Variants in FAM120B observed in about 807,000 individuals in gnomAD.
FAM120B encodes the protein constitutive coactivator of peroxisome proliferator-activated receptor gamma.
FAM120B carries 83 observed loss-of-function variants against 96.3 expected under a neutral mutation model. The ratio of observed to expected loss-of-function variants is 0.86; its 90% confidence interval spans 0.72 to 1.03. The LOEUF (loss-of-function observed/expected upper bound fraction) is 1.03, where lower values mean the gene tolerates loss of function less well. Ranked by LOEUF, FAM120B falls within the 50% of genes least tolerant of loss-of-function variation. The probability of loss-of-function intolerance (pLI) is 0.00; values close to 1 mark genes in which losing one functional copy is unlikely to be tolerated. For missense variants in FAM120B, 1,027 were observed against 1,121.2 expected (o/e 0.92, Z 1.20); for synonymous variants, 407 against 402.7 (o/e 1.01, Z -0.13).
chr6:170,393,148 CA>C (rs66472378), intron 8 of FAM120B, among the ~76,000 whole-genome samples: 14,221 of 119,530 alleles, frequency 0.12, 731 homozygotes, highest in Middle Eastern at 0.21. Context: ...CCTGTCTTTA[CA>C]AAAAAAAAAA....
At chr6:170,293,747 C>T (rs1472984134), upstream of FAM120B, among the ~76,000 whole-genome samples, 1 of 151,338 alleles carries the variant, frequency 6.6e-6, no homozygotes, top group African/African-American at 2.4e-5. Context: ...TCTTCTCCTT[C>T]TTCCTCTCCC....
Position 170,295,770 on chromosome 6 carries a change from T to C in FAM120B, c.48+317T>C, listed in dbSNP as rs1322179129. ...GAAGACGGGCTCCAACCCCACCTGG[T>C]TCGTGTCGGGGGGTCGTTTTGCGGT... On this transcript the variant is annotated intron_variant, in intron 1 of 10. Transcript: ENST00000537664. This position sits in a 1 kb window ranked among gnomAD's most constrained non-coding sequence, Gnocchi z 7.8. Among the ~76,000 whole-genome samples, 1 of 151,998 alleles carries C rather than the reference T, an allele frequency of 6.6e-6. No homozygotes were observed. Among genetic ancestry groups the C allele is most frequent in the Non-Finnish European group, 1.5e-5 (1 of 67,950 alleles).
intron 4 of FAM120B, among the ~76,000 whole-genome samples, chr6:170,341,282 T>G (rs1435077116): frequency 6.6e-6 from 1 of 152,214 alleles, no homozygotes; most frequent in Non-Finnish European, 1.5e-5. Context: ...CCAAACTTCC[T>G]GGCCTCCCAG....
intron 4 of FAM120B, among the ~76,000 whole-genome samples, chr6:170,341,881 C>T (rs563342734): frequency 2.9e-4 from 44 of 152,334 alleles, no homozygotes; most frequent in African/African-American, 6.3e-4. Flanking sequence ...CAGCCTTCTG[C>T]GTTGGAATTG....
At chr6:170,330,686 G>T (rs1179300956) in intron 4 of FAM120B, 136 bp downstream of exon 4, 2 of 676,770 alleles carry the variant, frequency 3.0e-6, no homozygotes, top group Non-Finnish European at 5.1e-6. Flanking sequence ...CTTGGCTCAT[G>T]ATTAATGTAT....
upstream of FAM120B, among the ~76,000 whole-genome samples, chr6:170,304,252 A>G (rs1263439705): frequency 1.3e-5 from 2 of 152,210 alleles, no homozygotes; most frequent in Non-Finnish European, 2.9e-5. Flanking sequence ...TTAATGCCCT[A>G]TTGTATTCCA....
chr6:170,291,502 C>G (rs1412906059), upstream of FAM120B, among the ~76,000 whole-genome samples: 1 of 151,976 alleles, frequency 6.6e-6, no homozygotes, highest in Non-Finnish European at 1.5e-5. Context: ...GGGGCAGGCG[C>G]TTCCTAAGGA....
chr6:170,297,544 C>CCTT (rs1464891194), intron 1 of FAM120B, among the ~76,000 whole-genome samples: 2 of 152,206 alleles, frequency 1.3e-5, no homozygotes, highest in African/African-American at 4.8e-5. Context: ...AAATCGGCTC[C>CCTT]CAAAGCCTTC....
intron 8 of FAM120B, among the ~76,000 whole-genome samples, chr6:170,391,630 T>A (rs1461587067): frequency 1.3e-5 from 2 of 152,340 alleles, no homozygotes; most frequent in African/African-American, 4.8e-5. Context: ...AATTAAATAA[T>A]GAAGAACTCT....
At chr6:170,291,495 G>A (rs1562500398), upstream of FAM120B, among the ~76,000 whole-genome samples, 2 of 152,184 alleles carry the variant, frequency 1.3e-5, no homozygotes, top group African/African-American at 2.4e-5. Flanking sequence ...CTTCTTCGGG[G>A]CAGGCGCTTC....
At chr6:170,306,304 G>T (rs1026822658), upstream of FAM120B, among the ~76,000 whole-genome samples, 23 of 152,158 alleles carry the variant, frequency 1.5e-4, no homozygotes, top group African/African-American at 4.8e-4. Context: ...GGAGCCCCCC[G>T]CTGTCCCCGT....
At chr6:170,398,531 A>T in intron 9 of FAM120B, among the ~76,000 whole-genome samples, 1 of 149,044 alleles carries the variant, frequency 6.7e-6, no homozygotes, top group Non-Finnish European at 1.5e-5. Flanking sequence ...GAACTATGTC[A>T]TAACTCTTAG....
At chr6:170,292,460 T>G (rs9459988), upstream of FAM120B, among the ~76,000 whole-genome samples, 14,745 of 151,848 alleles carry the variant, frequency 0.097, 1,731 homozygotes, top group African/African-American at 0.28. The surrounding 1 kb of genome is among the most constrained non-coding windows in gnomAD (Gnocchi z 6.6). Context: ...TCCAGGTGAG[T>G]GTTGGAGTGC....
chr6:170,336,319 G>A (rs1786415832), intron 4 of FAM120B, among the ~76,000 whole-genome samples: 2 of 152,112 alleles, frequency 1.3e-5, no homozygotes, highest in Non-Finnish European at 2.9e-5. Flanking sequence ...TTTCCCTGTT[G>A]CTTGTTTTTG....
intron 6 of FAM120B, among the ~76,000 whole-genome samples, chr6:170,358,580 A>G (rs571966689): frequency 3.3e-5 from 5 of 152,340 alleles, no homozygotes; most frequent in African/African-American, 1.2e-4. Flanking sequence ...AGTGATTTGA[A>G]GAGAATAGGT....
rs550335212 is a variant in FAM120B at position 170,404,916 on chromosome 6, C to T, written c.*165C>T. The T allele has an allele frequency of 1.7e-5, 6 of 345,372 alleles. No individual in the cohort carries two copies. The highest frequency in any genetic ancestry group is 2.6e-5 in the Non-Finnish European group (5 of 188,774). The allele number at this position is 345,372 out of a possible 1,614,324, so 21.4% of individuals were successfully genotyped here. A position where few individuals can be genotyped will look rare whatever the true frequency, so the allele number is the denominator to read the frequency against. On this transcript the variant is annotated 3_prime_UTR_variant, in exon 11 of 11. Transcript: ENST00000476287. Reference sequence around the variant, plus strand: ...GCCTTTTTCAATGGTGTCTCCCTCCCATTGTGCAGAAGAGCTTTTGTTGGC... The same window carrying T: ...GCCTTTTTCAATGGTGTCTCCCTCCTATTGTGCAGAAGAGCTTTTGTTGGC...
chr6:170,291,026 C>A (rs2114969064), upstream of FAM120B: 1 of 702,036 alleles, frequency 1.4e-6, no homozygotes, highest in Non-Finnish European at 2.6e-6. Context: ...AGAGCTGTCA[C>A]AAAGGAGCCA....
chr6:170,356,907 T>C (rs573290778), intron 5 of FAM120B, among the ~76,000 whole-genome samples: 1 of 152,208 alleles, frequency 6.6e-6, no homozygotes, highest in East Asian at 1.9e-4. Context: ...TCCAAAGTAA[T>C]ACCTACTTGG....
intron 6 of FAM120B, among the ~76,000 whole-genome samples, chr6:170,386,540 G>A (rs1211110502): frequency 6.6e-6 from 1 of 152,152 alleles, no homozygotes. Flanking sequence ...TAAGACTGAA[G>A]TATGAAGAAA....
Sources: gnomAD v4.1 joint callset for allele counts (sites outside exome capture counted in the v4.1 genomes callset) on GRCh38, gnomAD v4.1.1 for gene constraint, Gnocchi (gnomAD v3.1) non-coding constraint, MANE v1.5 for transcripts, NCBI Gene and HGNC (gene_info 2026-07-23, HGNC 2026-07-21) for gene names.